LONRF2: variants seen among roughly 807,000 people sequenced by gnomAD.
LONRF2 encodes the protein LON peptidase N-terminal domain and RING finger protein 2.
Under a neutral mutation model 66.6 loss-of-function variants are expected in LONRF2, and 35 were observed. The ratio of observed to expected loss-of-function variants is 0.53; its 90% CI spans 0.40 to 0.70. The LOEUF (loss-of-function observed/expected upper bound fraction) is 0.70. Ranked by LOEUF, LONRF2 falls within the 30% of genes least tolerant of loss-of-function variation. The pLI is 0.00. For synonymous variants in LONRF2, 417 were observed against 418.1 expected, an observed-to-expected ratio of 1.00 and a Z score of 0.03; for missense variants, 902 against 1,002.1, an observed-to-expected ratio of 0.90 and a Z score of 1.35.
intron 10 of LONRF2, 70 bp from the exon 11 acceptor site, chr2:100,287,133 T>C: frequency 1.4e-6 from 2 of 1,412,232 alleles, no homozygotes; most frequent in Admixed American, 4.7e-5. Flanking sequence ...CAGCGACCTC[T>C]GCACCTCCAC....
At chr2:100,304,662 C>T (rs1005436189) in intron 2 of LONRF2, among the ~76,000 whole-genome samples, 17 of 141,658 alleles carry the variant, frequency 1.2e-4, no homozygotes, top group Non-Finnish European at 2.4e-4. Flanking sequence ...CTTGCTCGCT[C>T]GTCCAGGCTG....
At chr2:100,298,694 A>C in intron 7 of LONRF2, 142 bp downstream of exon 7, 1 of 602,354 alleles carries the variant, frequency 1.7e-6, no homozygotes, top group South Asian at 2.4e-5. Context: ...TTCATCAAAG[A>C]GATGAGAAAA....
intron 2 of LONRF2, among the ~76,000 whole-genome samples, chr2:100,304,552 A>G (rs939200187): frequency 1.3e-5 from 2 of 151,978 alleles, no homozygotes; most frequent in Non-Finnish European, 2.9e-5. Context: ...GAACTTATGC[A>G]TAATAACTTC....
chr2:100,315,947 AG>A (rs1675496852), intron 1 of LONRF2, among the ~76,000 whole-genome samples: 1 of 152,160 alleles, frequency 6.6e-6, no homozygotes, highest in African/African-American at 2.4e-5. Context: ...CATTTAAAAC[AG>A]TAAGTTTCCC....
chr2:100,301,194 G>C (rs1273611947), intron 3 of LONRF2, among the ~76,000 whole-genome samples: 1 of 152,178 alleles, frequency 6.6e-6, no homozygotes, highest in Non-Finnish European at 1.5e-5. Context: ...TTATTTATGA[G>C]AACCAGAAGA....
At chr2:100,315,726 A>G (rs1359067751) in intron 1 of LONRF2, among the ~76,000 whole-genome samples, 1 of 152,178 alleles carries the variant, frequency 6.6e-6, no homozygotes, top group African/African-American at 2.4e-5. Context: ...AAGGGTATCA[A>G]TGGATTCAGT....
chr2:100,287,443 G>C (rs963011511), intron 10 of LONRF2, among the ~76,000 whole-genome samples: 2 of 152,142 alleles, frequency 1.3e-5, no homozygotes, highest in African/African-American at 2.4e-5. Flanking sequence ...TTATGGAAAA[G>C]TTGTTTTGTT....
intron 3 of LONRF2, 147 bp downstream of exon 3, chr2:100,302,774 A>G: frequency 2.7e-6 from 2 of 740,842 alleles, no homozygotes; most frequent in Non-Finnish European, 3.9e-6. Context: ...TATGAACCTT[A>G]CAATTATTGC....
In LONRF2 at chr2:100,287,073, GAA is replaced by G; in HGVS notation, c.1921-12_1921-11del. ...ACTCTGGACCCTCCACCTGATCAGGGAAAGAGGCACAGCTGTGTGAACCATTC... is the reference window on the plus strand; with the variant it reads ...ACTCTGGACCCTCCACCTGATCAGGGAGAGGCACAGCTGTGTGAACCATTC... On this transcript the variant is annotated splice_polypyrimidine_tract_variant and intron_variant, in intron 10 of 11. Transcript: ENST00000393437. 1 of 1,612,804 alleles carries G rather than the reference GAA, an allele frequency of 6.2e-7. No homozygotes were observed. Among genetic ancestry groups the G allele is most frequent in the South Asian group, 1.1e-5 (1 of 90,794 alleles).
intron 2 of LONRF2, among the ~76,000 whole-genome samples, chr2:100,305,630 G>A (rs1014747804): frequency 6.6e-6 from 1 of 152,122 alleles, no homozygotes; most frequent in East Asian, 1.9e-4. Context: ...CAGCCCTCTG[G>A]AAGAGCAGCC....
chr2:100,285,627 G>A (rs1440059987), intron 11 of LONRF2, among the ~76,000 whole-genome samples: 1 of 152,178 alleles, frequency 6.6e-6, no homozygotes, highest in African/African-American at 2.4e-5. Flanking sequence ...GGTCCTGTCT[G>A]GGCTGTGGTC....
chr2:100,309,068 T>G (rs1255969574), intron 2 of LONRF2, 39 bp downstream of exon 2: 4 of 1,320,284 alleles, frequency 3.0e-6, no homozygotes, highest in Non-Finnish European at 4.2e-6. Context: ...TCATATAAAC[T>G]TCACATTGAT....
chr2:100,312,118 A>G (rs1675422183), intron 1 of LONRF2, among the ~76,000 whole-genome samples: 1 of 152,174 alleles, frequency 6.6e-6, no homozygotes, highest in African/African-American at 2.4e-5. Flanking sequence ...AGTCACTGAA[A>G]GCTGTAAGGA....
In LONRF2 at chr2:100,278,152, C is replaced by T. The variant is rs1194738085; in HGVS notation, c.*6146G>A. 2 of 152,158 alleles carry T rather than the reference C, an allele frequency of 1.3e-5. No homozygotes were observed. Among genetic ancestry groups the T allele is most frequent in the Non-Finnish European group, 2.9e-5 (2 of 68,036 alleles). 9.4% of individuals were successfully genotyped at this position (152,158 alleles called of 1,614,324 possible). ...GACCCCGAAATGGGCCTCTATCTTG[C>T]ACCACAAACCTGAATCTCTCTTAAT... On this transcript the variant is annotated 3_prime_UTR_variant, in exon 12 of 12. Transcript: ENST00000393437.
chr2:100,300,015 A>T (rs1205363850), intron 4 of LONRF2, 97 bp from the exon 5 acceptor site: 1 of 437,180 alleles, frequency 2.3e-6, no homozygotes, highest in Non-Finnish European at 3.9e-6. Flanking sequence ...CTTTGGAAAA[A>T]AAAAGGGGGG....
intron 1 of LONRF2, among the ~76,000 whole-genome samples, chr2:100,315,688 C>T (rs531280717): frequency 1.8e-3 from 268 of 152,230 alleles, no homozygotes; most frequent in African/African-American, 6.1e-3. Context: ...CAAAACTTAA[C>T]CTGCTTGCTA....
intron 9 of LONRF2, among the ~76,000 whole-genome samples, chr2:100,292,119 C>T (rs1034106141): frequency 6.6e-6 from 1 of 152,200 alleles, no homozygotes; most frequent in African/African-American, 2.4e-5. Context: ...TAATAAAACT[C>T]TCTCTTCCTG....
At chr2:100,286,051 C>A (rs1674838343) in intron 11 of LONRF2, among the ~76,000 whole-genome samples, 1 of 151,338 alleles carries the variant, frequency 6.6e-6, no homozygotes, top group African/African-American at 2.4e-5. Context: ...AAGGCTTATG[C>A]AAAAAGGGCA....
At chr2:100,305,258 T>A (rs1249758951) in intron 2 of LONRF2, among the ~76,000 whole-genome samples, 1 of 152,200 alleles carries the variant, frequency 6.6e-6, no homozygotes, top group Non-Finnish European at 1.5e-5. Context: ...CAGGTTTTTT[T>A]AGAAACTCTC....
Sources: allele counts gnomAD v4.1 joint callset (sites outside exome capture counted in the v4.1 genomes callset), GRCh38; gene constraint gnomAD v4.1.1; transcripts MANE v1.5; gene names NCBI Gene and HGNC (gene_info 2026-07-23, HGNC 2026-07-21).